Variants in ADAMTS6 observed in about 807,000 individuals in gnomAD.
ADAMTS6 encodes the protein A disintegrin and metalloproteinase with thrombospondin motifs 6.
A neutral mutation model predicts 144.3 loss-of-function variants in ADAMTS6; 23 were observed. That is an observed-to-expected ratio of 0.16 (90% confidence interval 0.11 to 0.23). The LOEUF (loss-of-function observed/expected upper bound fraction) is 0.23, where lower values mean the gene tolerates loss of function less well. Ranked by LOEUF, ADAMTS6 falls within the 10% of genes least tolerant of loss-of-function variation. ADAMTS6 has a pLI of 1.00. For synonymous variants in ADAMTS6, 444 were observed against 457.5 expected (o/e 0.97, Z 0.38); for missense variants, 999 against 1,379.6 (o/e 0.72, Z 4.37).
At chr5:65,410,101 G>T (rs774136383) in intron 7 of ADAMTS6, among the ~76,000 whole-genome samples, 2 of 152,036 alleles carry the variant, frequency 1.3e-5, no homozygotes, top group Non-Finnish European at 2.9e-5. Flanking sequence ...AAAAGAAGAC[G>T]GGCAATACTG....
intron 9 of ADAMTS6, among the ~76,000 whole-genome samples, chr5:65,308,932 T>C (rs1005204011): frequency 6.6e-6 from 1 of 152,144 alleles, no homozygotes; most frequent in African/African-American, 2.4e-5. Flanking sequence ...AAAAGCAATA[T>C]GATATTGGCA....
chr5:65,240,015 A>G (rs1759034718), intron 15 of ADAMTS6, among the ~76,000 whole-genome samples: 1 of 152,224 alleles, frequency 6.6e-6, no homozygotes, highest in Non-Finnish European at 1.5e-5. Context: ...TTACTCAAGG[A>G]AAATGAAAAC....
At chr5:65,168,104 G>A (rs901437335) in intron 24 of ADAMTS6, among the ~76,000 whole-genome samples, 1 of 151,392 alleles carries the variant, frequency 6.6e-6, no homozygotes, top group Non-Finnish European at 1.5e-5. Flanking sequence ...GTCCCTGTTT[G>A]CAGACGACAT....
At chr5:65,396,365 T>C (rs1580594708) in intron 7 of ADAMTS6, among the ~76,000 whole-genome samples, 1 of 152,234 alleles carries the variant, frequency 6.6e-6, no homozygotes, top group East Asian at 1.9e-4. Context: ...TAAAATAAAG[T>C]TTATAGGATT....
At chr5:65,287,869 A>C (rs1157232138) in intron 11 of ADAMTS6, among the ~76,000 whole-genome samples, 1 of 152,184 alleles carries the variant, frequency 6.6e-6, no homozygotes, top group Admixed American at 6.5e-5. Context: ...GAAGTAGCTC[A>C]GAAAAAAAGT....
intron 7 of ADAMTS6, among the ~76,000 whole-genome samples, chr5:65,408,714 T>C (rs1754791241): frequency 6.6e-6 from 1 of 152,074 alleles, no homozygotes; most frequent in Non-Finnish European, 1.5e-5. Context: ...CAGCAACATA[T>C]CGCACTTATT....
Position 65,347,220 on chromosome 5 carries a change from T to C in ADAMTS6, c.1074-13135A>G, listed in dbSNP as rs571735779. On this transcript the variant is annotated intron_variant, in intron 7 of 24. Transcript: ENST00000381055. ...AATTCCTAAAATTCATATGGAACCA[T>C]AGAAGACCTCAAATAGCCACAGCAA... is the stretch of plus-strand genomic sequence containing the variant. Among the ~76,000 whole-genome samples the C allele has an allele frequency of 1.3e-4, 19 of 151,684 alleles. No individual in the cohort carries two copies. The South Asian group carries it at 3.7e-3, about 30-fold the overall frequency.
chr5:65,325,263 A>G (rs1238631823), intron 9 of ADAMTS6, among the ~76,000 whole-genome samples: 2 of 152,170 alleles, frequency 1.3e-5, no homozygotes, highest in Non-Finnish European at 2.9e-5. Context: ...TGAACCATAT[A>G]CAGAATGGGT....
intron 7 of ADAMTS6, among the ~76,000 whole-genome samples, chr5:65,382,895 C>T (rs144923330): frequency 3.4e-4 from 51 of 152,206 alleles, no homozygotes; most frequent in Middle Eastern, 3.4e-3. Flanking sequence ...GCTCACTGTC[C>T]CAGAGGCTGG....
intron 21 of ADAMTS6, among the ~76,000 whole-genome samples, chr5:65,189,259 G>GGATTCACTCTTCTGGACACATTAATTA (rs1754853220): frequency 7.9e-5 from 12 of 152,130 alleles, no homozygotes; most frequent in African/African-American, 2.4e-5. Context: ...CACTTCTGCA[G>GGATTCACTCTTCTGGACACATTAATTA]GATTCACTCT....
intron 7 of ADAMTS6, among the ~76,000 whole-genome samples, chr5:65,338,481 A>C (rs550562329): frequency 1.4e-4 from 22 of 152,270 alleles, no homozygotes; most frequent in Non-Finnish European, 2.9e-4. Flanking sequence ...CTATCAGAAG[A>C]AACTGACCAA....
intron 15 of ADAMTS6, among the ~76,000 whole-genome samples, chr5:65,237,339 G>C (rs1439842886): frequency 6.9e-6 from 1 of 145,116 alleles, no homozygotes; most frequent in African/African-American, 2.6e-5. Flanking sequence ...AGTGAGATAT[G>C]ATTGGGCCAC....
intron 11 of ADAMTS6, among the ~76,000 whole-genome samples, chr5:65,288,682 AT>A (rs1232774386): frequency 7.9e-5 from 12 of 152,120 alleles, no homozygotes; most frequent in African/African-American, 2.7e-4. Flanking sequence ...AAGAGGAATC[AT>A]TTCATGATTT....
chr5:65,333,708 G>A (rs1174626445), intron 8 of ADAMTS6, among the ~76,000 whole-genome samples: 1 of 148,716 alleles, frequency 6.7e-6, no homozygotes, highest in Non-Finnish European at 1.5e-5. Flanking sequence ...ACATTACAGA[G>A]ATAGATTATA....
chr5:65,305,104 A>T (rs1743804670), intron 9 of ADAMTS6, among the ~76,000 whole-genome samples: 2 of 152,186 alleles, frequency 1.3e-5, no homozygotes, highest in South Asian at 4.1e-4. Context: ...TAAAGGATAT[A>T]ATGTCTACAA....
At chr5:65,399,739 T>C (rs1433995524) in intron 7 of ADAMTS6, among the ~76,000 whole-genome samples, 1 of 152,188 alleles carries the variant, frequency 6.6e-6, no homozygotes, top group Non-Finnish European at 1.5e-5. Context: ...ATATGATACA[T>C]AAGCACACAT....
intron 7 of ADAMTS6, among the ~76,000 whole-genome samples, chr5:65,420,197 C>T (rs532974018): frequency 6.6e-6 from 1 of 152,130 alleles, no homozygotes; most frequent in Admixed American, 6.5e-5. Flanking sequence ...ATCATGAGAA[C>T]AGTATGGGGG....
At chr5:65,262,322 A>G (rs894045498) in intron 13 of ADAMTS6, among the ~76,000 whole-genome samples, 4 of 152,344 alleles carry the variant, frequency 2.6e-5, no homozygotes, top group African/African-American at 9.6e-5. Context: ...AATGGAAACT[A>G]TTTTAACACA....
chr5:65,401,398 A>T (rs10074615), intron 7 of ADAMTS6, among the ~76,000 whole-genome samples: 17,030 of 151,916 alleles, frequency 0.11, 1,096 homozygotes, highest in African/African-American at 0.16. Flanking sequence ...TCCTGAGGTC[A>T]GACCTTATTA....
Sources: gnomAD v4.1 joint callset for allele counts (sites outside exome capture counted in the v4.1 genomes callset) on GRCh38, gnomAD v4.1.1 for gene constraint, MANE v1.5 for transcripts, NCBI Gene and HGNC (gene_info 2026-07-23, HGNC 2026-07-21) for gene names.